RBM19: variants seen among roughly 807,000 people sequenced by gnomAD.
RBM19 encodes the protein RNA binding motif protein 19.
In RBM19, 94 loss-of-function variants were observed where a neutral mutation model predicts 116.8. That is an observed-to-expected ratio of 0.80 (90% CI 0.68 to 0.95). The LOEUF (loss-of-function observed/expected upper bound fraction) is 0.95, where lower values mean the gene tolerates loss of function less well. Ranked by LOEUF, RBM19 falls within the 40% of genes least tolerant of loss-of-function variation. RBM19 has a pLI of 0.00. For missense variants in RBM19, 1,161 were observed against 1,220.7 expected, an observed-to-expected ratio of 0.95 and a Z score of 0.73; for synonymous variants, 475 against 494.1, an observed-to-expected ratio of 0.96 and a Z score of 0.51.
chr12:113,816,796 G>A (rs1250419060), exon 25 of RBM19: 1 of 152,168 alleles, frequency 6.6e-6, no homozygotes. Flanking sequence ...TATTATTAGT[G>A]AAGCTCAGTG....
intron 23 of RBM19, among the ~76,000 whole-genome samples, chr12:113,826,313 G>A (rs1347394516): frequency 6.6e-6 from 1 of 152,228 alleles, no homozygotes; most frequent in African/African-American, 2.4e-5. Context: ...CTCTAGGAGG[G>A]CAGGGGTTTC....
intron 20 of RBM19, among the ~76,000 whole-genome samples, chr12:113,915,780 ATTGT>A (rs1315133104): frequency 5.3e-5 from 8 of 152,090 alleles, no homozygotes; most frequent in Admixed American, 5.2e-4. Flanking sequence ...ACCTAATTTG[ATTGT>A]TTGAAGATTT....
Position 113,940,125 on chromosome 12 carries a change from G to A in RBM19, c.1773C>T (p.Val591=). The change falls in exon 15 of 24, where the codon GTC becomes GTT. Residue 591 remains valine (V), a synonymous_variant. Coordinates refer to ENST00000261741, the MANE Select transcript of RBM19 (RefSeq NM_016196.4). Reference sequence around the variant, plus strand: ...CCAGGGTGCCTGCCGGGAGGTTCTTGACCAGAATCACAGTCTTGCTTCGCT... The same window carrying A: ...CCAGGGTGCCTGCCGGGAGGTTCTTAACCAGAATCACAGTCTTGCTTCGCT... The part of the protein sequence containing the change: ...AAERSKTVIL[V]KNLPAGTLAA... 1.2e-6 allele frequency: 2 copies of A among 1,614,100 alleles called. No homozygotes were observed. Among genetic ancestry groups the A allele is most frequent in the Middle Eastern group, 1.7e-4 (1 of 6,038 alleles).
chr12:113,877,802 A>C (rs2135781829), intron 21 of RBM19, among the ~76,000 whole-genome samples: 1 of 152,338 alleles, frequency 6.6e-6, no homozygotes, highest in Non-Finnish European at 1.5e-5. Flanking sequence ...TACTATGTGC[A>C]GGCACCTACT....
Position 113,947,323 on chromosome 12 carries a change from C to T in RBM19, c.1407+11G>A, listed in dbSNP as rs375631016. ...CCACAGCCTCCTGGCCAGCCCAGGA[C>T]GGGGCCTCACCTGGAATACCTGCCC... On this transcript the variant is annotated intron_variant, in intron 11 of 23. Coordinates refer to ENST00000261741, the MANE Select transcript of RBM19 (RefSeq NM_016196.4). The T allele has an allele frequency of 3.9e-5, 62 of 1,585,830 alleles. No homozygotes were observed. In the Middle Eastern group the frequency reaches 6.7e-4, roughly 17 times the overall value.
intron 23 of RBM19, among the ~76,000 whole-genome samples, chr12:113,831,550 G>A (rs1875411839): frequency 6.6e-6 from 1 of 152,192 alleles, no homozygotes; most frequent in Admixed American, 6.5e-5. Flanking sequence ...CCTTCTGTCA[G>A]TTTAATTCCG....
At chr12:113,856,738 G>T (rs1158055450) in intron 22 of RBM19, among the ~76,000 whole-genome samples, 3 of 152,184 alleles carry the variant, frequency 2.0e-5, no homozygotes, top group Non-Finnish European at 4.4e-5. Flanking sequence ...TCTTATTTCA[G>T]ACCATCACCA....
Position 113,942,321 on chromosome 12 carries a change from C to G in RBM19, c.1737+3G>C. The G allele has an allele frequency of 6.2e-7, 1 of 1,603,324 alleles. No homozygotes were observed. The highest frequency in any genetic ancestry group is 1.7e-5 in the Admixed American group (1 of 59,828). Reference sequence around the variant, plus strand: ...GCTGGCTGGCGCCACCGAGAACACCCACCTGGCTGAAGGAATCCAGGCTGA... The same window carrying G: ...GCTGGCTGGCGCCACCGAGAACACCGACCTGGCTGAAGGAATCCAGGCTGA... On this transcript the variant is annotated splice_donor_region_variant and intron_variant, in intron 14 of 23. Coordinates refer to ENST00000261741, the MANE Select transcript of RBM19 (RefSeq NM_016196.4).
intron 1 of RBM19, among the ~76,000 whole-genome samples, chr12:113,963,508 T>A (rs1014673655): frequency 6.6e-6 from 1 of 152,230 alleles, no homozygotes; most frequent in African/African-American, 2.4e-5. Flanking sequence ...AGCTTCTTAC[T>A]AACTGATCTA....
intron 13 of RBM19, among the ~76,000 whole-genome samples, chr12:113,943,944 T>C (rs551701176): frequency 6.6e-6 from 1 of 152,198 alleles, no homozygotes; most frequent in African/African-American, 2.4e-5. Context: ...CAACTACACA[T>C]GTGGCTCACA....
intron 13 of RBM19, among the ~76,000 whole-genome samples, chr12:113,944,609 G>A (rs1870859324): frequency 6.6e-6 from 1 of 151,994 alleles, no homozygotes; most frequent in African/African-American, 2.4e-5. Context: ...ACCAGACTGG[G>A]CCACATAGTG....
chr12:113,936,259 G>T (rs12307975), intron 16 of RBM19, among the ~76,000 whole-genome samples: 1 of 152,018 alleles, frequency 6.6e-6, no homozygotes, highest in African/African-American at 2.4e-5. Flanking sequence ...AAGGAAAATC[G>T]TAACATCTGG....
At chr12:113,945,979 C>T (rs932186326) in intron 12 of RBM19, 55 bp from the exon 13 acceptor site, 21 of 1,446,752 alleles carry the variant, frequency 1.5e-5, no homozygotes, top group Non-Finnish European at 1.5e-5. Flanking sequence ...GAGGGGAACT[C>T]GTTCTCAGAC....
chr12:113,853,722 G>A (rs1181428236), intron 22 of RBM19, among the ~76,000 whole-genome samples: 2 of 152,200 alleles, frequency 1.3e-5, no homozygotes, highest in African/African-American at 4.8e-5. Context: ...TAGCTGCCCA[G>A]GTGAAAGGCT....
Position 113,844,684 on chromosome 12 carries a change from C to A in RBM19, c.2769G>T (p.Thr923=). The A allele has an allele frequency of 6.2e-7, 1 of 1,610,832 alleles. No homozygotes were observed. Among genetic ancestry groups the A allele is most frequent in the Non-Finnish European group, 8.5e-7 (1 of 1,178,808 alleles). The change falls in exon 23 of 24, where the codon ACG becomes ACT. Residue 923 remains threonine, a synonymous_variant. Transcript: ENST00000261741. ...CGCTCCTACCGTGAAAGTGAGCGGCCGTCTTCCGCCGCAGGGCCTGCAGGG... is the reference window on the plus strand; with the variant it reads ...CGCTCCTACCGTGAAAGTGAGCGGCAGTCTTCCGCCGCAGGGCCTGCAGGG... ...EVTLQALRRK[T]AAHFHEPPKK...
chr12:113,963,438 T>A (rs1158289081), intron 1 of RBM19, among the ~76,000 whole-genome samples: 1 of 152,146 alleles, frequency 6.6e-6, no homozygotes, highest in Non-Finnish European at 1.5e-5. Context: ...AAAATAAGTT[T>A]GAAAATGCAA....
At chr12:113,899,303 A>T (rs1056796002) in intron 21 of RBM19, among the ~76,000 whole-genome samples, 3 of 152,338 alleles carry the variant, frequency 2.0e-5, no homozygotes, top group African/African-American at 7.2e-5. Flanking sequence ...GCCCGAGTGT[A>T]TTACTGAAGT....
At chr12:113,953,252 T>C (rs1453303044) in intron 7 of RBM19, among the ~76,000 whole-genome samples, 1 of 151,934 alleles carries the variant, frequency 6.6e-6, no homozygotes, top group African/African-American at 2.4e-5. Flanking sequence ...ACTTTGGGAG[T>C]CCAAGGCGGG....
chr12:113,870,939 G>A (rs1008313667), intron 21 of RBM19, among the ~76,000 whole-genome samples: 15 of 152,178 alleles, frequency 9.9e-5, no homozygotes, highest in Middle Eastern at 3.2e-3. Context: ...TTTCCAGAGG[G>A]CATCTCTATG....
Sources: gnomAD v4.1 joint callset for allele counts (sites outside exome capture counted in the v4.1 genomes callset) on GRCh38, gnomAD v4.1.1 for gene constraint, MANE v1.5 for transcripts, NCBI Gene and HGNC (gene_info 2026-07-23, HGNC 2026-07-21) for gene names.